Variants in SHANK2 observed in about 807,000 individuals in gnomAD.
SHANK2 encodes the protein SH3 and multiple ankyrin repeat domains 2.
A neutral mutation model predicts 133.7 loss-of-function variants in SHANK2; 43 were observed. The observed-to-expected ratio is 0.32, with a 90% confidence interval of 0.25 to 0.41. The LOEUF (loss-of-function observed/expected upper bound fraction) is 0.41, where lower values mean the gene tolerates loss of function less well. SHANK2 is among the 10% of genes least tolerant of loss of function. The pLI is 1.00. For missense variants in SHANK2, 1,994 were observed against 2,235.8 expected, an observed-to-expected ratio of 0.89 and a Z score of 2.18; for synonymous variants, 1,017 against 952.8, an observed-to-expected ratio of 1.07 and a Z score of -1.24.
intron 14 of SHANK2, among the ~76,000 whole-genome samples, chr11:70,740,597 C>A (rs573847118): frequency 1.2e-4 from 18 of 152,304 alleles, no homozygotes; most frequent in African/African-American, 4.1e-4. Context: ...TCCCCCTCAC[C>A]CCCTGCCCGG....
chr11:70,521,622 A>C (rs1210187560), intron 17 of SHANK2, among the ~76,000 whole-genome samples: 1 of 152,202 alleles, frequency 6.6e-6, no homozygotes, highest in Non-Finnish European at 1.5e-5. Flanking sequence ...ATGAGCAGAT[A>C]CCTGTGTGTT....
chr11:70,824,706 A>G (rs532265567), intron 11 of SHANK2, among the ~76,000 whole-genome samples: 17 of 152,298 alleles, frequency 1.1e-4, no homozygotes, highest in Non-Finnish European at 1.8e-4. Flanking sequence ...CAGAGACTAA[A>G]AAAAACCTTG....
chr11:70,921,549 C>T (rs1024550463), intron 10 of SHANK2, among the ~76,000 whole-genome samples: 6 of 152,144 alleles, frequency 3.9e-5, no homozygotes, highest in Non-Finnish European at 7.3e-5. Flanking sequence ...CAATATTTGC[C>T]GAATTCTGAA....
At chr11:71,094,006 G>A (rs140954310) in intron 7 of SHANK2, among the ~76,000 whole-genome samples, 43 of 152,204 alleles carry the variant, frequency 2.8e-4, no homozygotes, top group East Asian at 1.7e-3. Context: ...AAGGTGAGGC[G>A]CGGAACCCAC....
chr11:71,242,579 C>G (rs1555124524), intron 1 of SHANK2, among the ~76,000 whole-genome samples: 2 of 152,200 alleles, frequency 1.3e-5, no homozygotes, highest in Non-Finnish European at 2.9e-5. Context: ...TCCCAGCCCC[C>G]ACCAGCAAGC....
intron 17 of SHANK2, among the ~76,000 whole-genome samples, chr11:70,505,517 G>A (rs1192409076): frequency 3.3e-5 from 5 of 152,072 alleles, no homozygotes; most frequent in East Asian, 1.9e-4. Flanking sequence ...TTGCAAGGCT[G>A]TGGGGAGCGA....
intron 17 of SHANK2, among the ~76,000 whole-genome samples, chr11:70,616,657 G>T (rs2060745662): frequency 6.6e-6 from 1 of 152,190 alleles, no homozygotes; most frequent in Admixed American, 6.5e-5. Flanking sequence ...TCACACCTGA[G>T]AAGGAAGGCA....
intron 7 of SHANK2, among the ~76,000 whole-genome samples, chr11:71,093,843 G>C (rs781944855): frequency 6.6e-6 from 1 of 152,234 alleles, no homozygotes; most frequent in African/African-American, 2.4e-5. Context: ...GGGACAGCGA[G>C]GCCCCCGTCT....
intron 3 of SHANK2, among the ~76,000 whole-genome samples, chr11:71,123,986 G>A (rs1555102028): frequency 6.6e-6 from 1 of 151,928 alleles, no homozygotes; most frequent in Non-Finnish European, 1.5e-5. Flanking sequence ...TGATGATGAT[G>A]GTGGTGATGC....
chr11:70,736,293 G>A (rs1486693027), intron 14 of SHANK2, among the ~76,000 whole-genome samples: 3 of 152,118 alleles, frequency 2.0e-5, no homozygotes, highest in Admixed American at 1.3e-4. Flanking sequence ...CTGTGTGGGC[G>A]GGGTGAGTGC....
At chr11:71,071,762 G>A (rs1023292200) in intron 9 of SHANK2, among the ~76,000 whole-genome samples, 2 of 152,154 alleles carry the variant, frequency 1.3e-5, no homozygotes, top group African/African-American at 4.8e-5. Context: ...AGCCATGGAA[G>A]GGCTGGGGAA....
Position 70,659,755 on chromosome 11 carries a change from C to T in SHANK2, c.2061+73G>A, listed in dbSNP as rs1473887731. ...CAGACTGGGCCTCGTGGCTGTGCTG[C>T]CAGGACTACGACCCTCTCCCCGAGA... On this transcript the variant is annotated intron_variant, in intron 17 of 25. Transcript: ENST00000601538. 8.1e-6 allele frequency: 13 copies of T among 1,595,642 alleles called. No homozygotes were observed. In the Middle Eastern group the frequency reaches 6.6e-4, roughly 81 times the overall value.
intron 17 of SHANK2, among the ~76,000 whole-genome samples, chr11:70,606,220 C>G (rs968333177): frequency 2.0e-5 from 3 of 152,246 alleles, no homozygotes; most frequent in Admixed American, 6.5e-5. Context: ...ATCCTTCCCC[C>G]ACCTTTTCCA....
intron 9 of SHANK2, among the ~76,000 whole-genome samples, chr11:71,071,039 T>G (rs1357265024): frequency 6.6e-6 from 1 of 152,252 alleles, no homozygotes; most frequent in East Asian, 1.9e-4. Context: ...ATCAACACTT[T>G]CAAATACCAT....
At chr11:70,655,959 G>A (rs543378401) in intron 17 of SHANK2, among the ~76,000 whole-genome samples, 1 of 152,244 alleles carries the variant, frequency 6.6e-6, no homozygotes, top group African/African-American at 2.4e-5. Context: ...TAACCCTCAG[G>A]TGACTGACGC....
intron 11 of SHANK2, among the ~76,000 whole-genome samples, chr11:70,855,472 C>G (rs1949155076): frequency 6.6e-6 from 1 of 152,226 alleles, no homozygotes; most frequent in African/African-American, 2.4e-5. Context: ...GCAGGTCCCC[C>G]TTTAGCCAGC....
In SHANK2 at chr11:70,811,732, A is replaced by G. The variant is rs531759057; in HGVS notation, c.1494-4561T>C. Reference sequence around the variant, plus strand: ...CCACCATTCATTTATCCATCCATCTACCCATCCATTCATCCATCATCTATC... The same window carrying G: ...CCACCATTCATTTATCCATCCATCTGCCCATCCATTCATCCATCATCTATC... On this transcript the variant is annotated intron_variant, in intron 12 of 25. Coordinates refer to ENST00000601538, the MANE Select transcript of SHANK2 (RefSeq NM_012309.5). Among the ~76,000 whole-genome samples the G allele has an allele frequency of 4.0e-5, 6 of 149,420 alleles. No homozygotes were observed. The South Asian group carries it at 1.3e-3, about 32-fold the overall frequency.
intron 7 of SHANK2, among the ~76,000 whole-genome samples, chr11:71,093,841 G>A (rs193078559): frequency 6.6e-6 from 1 of 152,320 alleles, no homozygotes; most frequent in Non-Finnish European, 1.5e-5. Flanking sequence ...TAGGGACAGC[G>A]AGGCCCCCGT....
intron 10 of SHANK2, among the ~76,000 whole-genome samples, chr11:70,930,468 G>A (rs1303914194): frequency 6.6e-6 from 1 of 152,102 alleles, no homozygotes; most frequent in African/African-American, 2.4e-5. Flanking sequence ...CAAATACAAA[G>A]TGTTAGTTAT....
Sources: allele counts gnomAD v4.1 joint callset (sites outside exome capture counted in the v4.1 genomes callset), GRCh38; gene constraint gnomAD v4.1.1; transcripts MANE v1.5; gene names NCBI Gene and HGNC (gene_info 2026-07-23, HGNC 2026-07-21).